Variants in SERPINE2 observed in about 807,000 individuals in gnomAD.
SERPINE2 encodes glia-derived nexin.
Under a neutral mutation model 36.3 loss-of-function variants are expected in SERPINE2, and 14 were observed. The observed-to-expected ratio is 0.39, with a 90% CI of 0.25 to 0.60. SERPINE2 has a LOEUF of 0.60. SERPINE2 is among the 20% of genes least tolerant of loss of function. The pLI is 0.57. For missense variants in SERPINE2, 418 were observed against 499.6 expected, an observed-to-expected ratio of 0.84 and a Z score of 1.56; for synonymous variants, 192 against 191.8, an observed-to-expected ratio of 1.00 and a Z score of -0.01.
At chr2:224,009,570 C>G (rs1691552018) in intron 1 of SERPINE2, among the ~76,000 whole-genome samples, 1 of 152,070 alleles carries the variant, frequency 6.6e-6, no homozygotes, top group South Asian at 2.1e-4. Flanking sequence ...TAGCACATGC[C>G]TATAATCCCA....
At chr2:223,997,989 T>C in intron 3 of SERPINE2, 126 bp downstream of exon 3, 1 of 712,632 alleles carries the variant, frequency 1.4e-6, no homozygotes, top group Middle Eastern at 2.4e-4. Flanking sequence ...AGAGCTTCCT[T>C]GGTCCAGGAG....
intron 2 of SERPINE2, among the ~76,000 whole-genome samples, chr2:223,999,829 A>T (rs1691040336): frequency 6.6e-6 from 1 of 152,216 alleles, no homozygotes. Context: ...CACAGCCTGG[A>T]TCACACTAGG....
At chr2:223,994,826 C>G (rs1690813759) in intron 3 of SERPINE2, among the ~76,000 whole-genome samples, 1 of 152,184 alleles carries the variant, frequency 6.6e-6, no homozygotes, top group Non-Finnish European at 1.5e-5. Flanking sequence ...CATCCTCACA[C>G]CAGCCTTAAT....
Position 223,998,219 on chromosome 2 carries a change from G to GT in SERPINE2, c.382dup (p.Thr128AsnfsTer10). 1 of 1,614,064 alleles carries GT rather than the reference G, an allele frequency of 6.2e-7. No individual in the cohort carries two copies. Among genetic ancestry groups the GT allele is most frequent in the East Asian group, 2.2e-5 (1 of 44,884 alleles). ...ACACTGGAACACATCTTTGTTCCTTGTAACAAAAGGCACTTCAATTTCAGA... is the reference window on the plus strand; with the variant it reads ...ACACTGGAACACATCTTTGTTCCTTGTTAACAAAAGGCACTTCAATTTCAGA... On this transcript the variant is annotated frameshift_variant, in exon 3 of 9. Transcript: ENST00000409304. LOFTEE classifies it high-confidence loss of function.
chr2:224,021,608 G>A (rs1453261933), intron 1 of SERPINE2, among the ~76,000 whole-genome samples: 1 of 152,194 alleles, frequency 6.6e-6, no homozygotes, highest in Non-Finnish European at 1.5e-5. Flanking sequence ...CCACCACAGG[G>A]TAAATTAGTA....
chr2:224,011,501 A>G (rs1401104920), intron 1 of SERPINE2, among the ~76,000 whole-genome samples: 5 of 152,234 alleles, frequency 3.3e-5, no homozygotes, highest in African/African-American at 9.6e-5. Flanking sequence ...TTATCAATCT[A>G]TAATCAAAAC....
At chr2:224,016,090 A>C (rs538326410) in intron 1 of SERPINE2, among the ~76,000 whole-genome samples, 3 of 152,390 alleles carry the variant, frequency 2.0e-5, no homozygotes, top group South Asian at 4.1e-4. Context: ...ATGTCACTAT[A>C]TGTCCAGATG....
At chr2:224,016,563 G>A (rs977073245) in intron 1 of SERPINE2, among the ~76,000 whole-genome samples, 1 of 150,214 alleles carries the variant, frequency 6.7e-6, no homozygotes, top group Non-Finnish European at 1.5e-5. Flanking sequence ...TTTTTTTAAT[G>A]TAAGTTTGGC....
chr2:224,017,274 T>C (rs1166373744), intron 1 of SERPINE2, among the ~76,000 whole-genome samples: 1 of 152,166 alleles, frequency 6.6e-6, no homozygotes, highest in Non-Finnish European at 1.5e-5. Flanking sequence ...TACTTTTTTT[T>C]TTTTACGACT....
At chr2:223,998,683 A>C (rs1196711917) in intron 2 of SERPINE2, among the ~76,000 whole-genome samples, 1 of 152,190 alleles carries the variant, frequency 6.6e-6, no homozygotes, top group African/African-American at 2.4e-5. Flanking sequence ...GCCCCTGCAT[A>C]CAGCCTGGGT....
chr2:224,018,700 G>A (rs1691883960), intron 1 of SERPINE2, among the ~76,000 whole-genome samples: 1 of 152,076 alleles, frequency 6.6e-6, no homozygotes, highest in Admixed American at 6.5e-5. Flanking sequence ...CCCCAACCCT[G>A]CTGTTCTCCC....
At chr2:223,995,661 T>C (rs774545579) in intron 3 of SERPINE2, among the ~76,000 whole-genome samples, 4 of 152,252 alleles carry the variant, frequency 2.6e-5, no homozygotes, top group Non-Finnish European at 2.9e-5. Flanking sequence ...GTATGCTGAA[T>C]TTGCCAGGAA....
At chr2:224,038,026 T>C (rs528888907) in intron 1 of SERPINE2, among the ~76,000 whole-genome samples, 66 of 152,324 alleles carry the variant, frequency 4.3e-4, no homozygotes, top group African/African-American at 1.6e-3. Context: ...GACCTTCAGA[T>C]AGTGTTGAAA....
At chr2:223,999,963 G>C (rs1372231392) in intron 2 of SERPINE2, among the ~76,000 whole-genome samples, 1 of 152,122 alleles carries the variant, frequency 6.6e-6, no homozygotes, top group Non-Finnish European at 1.5e-5. Context: ...CTTCCAACAG[G>C]TGAACAAACT....
intron 1 of SERPINE2, among the ~76,000 whole-genome samples, chr2:224,022,122 G>A (rs1461856683): frequency 5.3e-5 from 7 of 132,026 alleles, no homozygotes; most frequent in African/African-American, 1.4e-4. Flanking sequence ...TCACACCACT[G>A]CACTCCAGCC....
rs755548699 is a variant in SERPINE2 at position 224,001,617 on chromosome 2, C to T, written c.259+25G>A. On this transcript the variant is annotated intron_variant, in intron 2 of 8. Transcript: ENST00000409304. ...ACAAGACTCTCAGGCAAAGGCTCCGCCAGTGAGCAATTGTGCACACGCACC... is the reference window on the plus strand; with the variant it reads ...ACAAGACTCTCAGGCAAAGGCTCCGTCAGTGAGCAATTGTGCACACGCACC... The T allele has an allele frequency of 6.9e-6, 11 of 1,599,040 alleles. 1 individual carries two copies. The South Asian group carries it at 8.8e-5, about 13-fold the overall frequency.
intron 1 of SERPINE2, chr2:224,013,814 C>T (rs1190008075): frequency 6.6e-6 from 1 of 152,314 alleles, no homozygotes; most frequent in Admixed American, 6.5e-5. Context: ...TCTATTCCTG[C>T]AGAGGAACAG....
intron 1 of SERPINE2, among the ~76,000 whole-genome samples, chr2:224,010,759 C>T (rs1279858667): frequency 1.3e-5 from 2 of 152,162 alleles, no homozygotes; most frequent in Non-Finnish European, 2.9e-5. Flanking sequence ...AGTAACCAGC[C>T]TAATACCTGG....
At position 224,001,819 on chromosome 2, in the gene SERPINE2, C is replaced by T. The variant is rs1471795770; in HGVS notation, c.82G>A (p.Glu28Lys). 4 of 1,613,990 alleles carry T rather than the reference C, an allele frequency of 2.5e-6. No individual in the cohort carries two copies. Among genetic ancestry groups the T allele is most frequent in the East Asian group, 2.2e-5 (1 of 44,866 alleles). Residue 28 changes from glutamate to lysine, a missense_variant, in exon 2 of 9, where the codon GAG becomes AAG. Coordinates refer to ENST00000409304, the MANE Select transcript of SERPINE2 (RefSeq NM_001136528.2). ...ATCCCCGTGTTGGAGCCTAGTTCCT[C>T]GAGAGACAGAGGATTGAAGTGGGAG... ...ICSHFNPLSLEELGSNTGIQV... is the reference protein window; with the variant it reads ...ICSHFNPLSLKELGSNTGIQV...
Sources: gnomAD v4.1 joint callset for allele counts (sites outside exome capture counted in the v4.1 genomes callset) on GRCh38, gnomAD v4.1.1 for gene constraint, MANE v1.5 for transcripts, NCBI Gene and HGNC (gene_info 2026-07-23, HGNC 2026-07-21) for gene names.